The following DLGAP1 variants were observed in gnomAD, a reference collection of about 807,000 sequenced individuals.
The protein encoded by DLGAP1 is disks large-associated protein 1.
Under a neutral mutation model 90.8 loss-of-function variants are expected in DLGAP1, and 11 were observed. The observed-to-expected ratio is 0.12, with a 90% confidence interval of 0.08 to 0.20. The LOEUF (loss-of-function observed/expected upper bound fraction) is 0.20. Ranked by LOEUF, DLGAP1 falls within the 10% of genes least tolerant of loss-of-function variation. The pLI is 1.00. For missense variants in DLGAP1, 1,050 were observed against 1,333.8 expected (o/e 0.79, Z 3.31); for synonymous variants, 558 against 540.7 (o/e 1.03, Z -0.44).
intron 1 of DLGAP1, among the ~76,000 whole-genome samples, chr18:4,392,771 A>G (rs1290762649): frequency 6.6e-6 from 1 of 152,126 alleles, no homozygotes; most frequent in African/African-American, 2.4e-5. Context: ...TCTGCTTGGC[A>G]TTTTCTCCTG....
At chr18:4,405,850 A>C (rs1383949928) in intron 1 of DLGAP1, among the ~76,000 whole-genome samples, 1 of 152,192 alleles carries the variant, frequency 6.6e-6, no homozygotes. Flanking sequence ...CCAGTTGTCC[A>C]AGTTCTTTGC....
chr18:3,500,918 T>C (rs1015381667), intron 12 of DLGAP1, among the ~76,000 whole-genome samples: 3 of 151,814 alleles, frequency 2.0e-5, no homozygotes, highest in Non-Finnish European at 1.5e-5. Context: ...ATGATTACTA[T>C]TATTATTATT....
At chr18:4,110,090 T>C (rs2075946397) in intron 2 of DLGAP1, among the ~76,000 whole-genome samples, 1 of 152,164 alleles carries the variant, frequency 6.6e-6, no homozygotes, top group South Asian at 2.1e-4. Flanking sequence ...TGTGTTGCTA[T>C]CCAAATCTGT....
At chr18:4,423,195 G>C (rs1029766574) in intron 1 of DLGAP1, among the ~76,000 whole-genome samples, 1 of 152,012 alleles carries the variant, frequency 6.6e-6, no homozygotes, top group Non-Finnish European at 1.5e-5. Flanking sequence ...AGTTTCTCTG[G>C]TATTTGCTTC....
intron 2 of DLGAP1, among the ~76,000 whole-genome samples, chr18:4,054,156 C>G (rs1346139069): frequency 6.6e-6 from 1 of 152,140 alleles, no homozygotes; most frequent in Non-Finnish European, 1.5e-5. Context: ...CTCACTCGCT[C>G]CCTGATCTTT....
At chr18:4,206,465 C>T (rs569176995) in intron 1 of DLGAP1, among the ~76,000 whole-genome samples, 3 of 152,242 alleles carry the variant, frequency 2.0e-5, no homozygotes, top group Admixed American at 2.0e-4. Flanking sequence ...CTGCTCTTCC[C>T]TGATGTCACC....
chr18:4,215,312 T>C (rs1336033645), intron 1 of DLGAP1, among the ~76,000 whole-genome samples: 2 of 152,310 alleles, frequency 1.3e-5, no homozygotes, highest in East Asian at 3.9e-4. Flanking sequence ...CAAAATGCTA[T>C]TTTATGCAGC....
chr18:4,092,082 T>C lies in DLGAP1; in HGVS notation c.-159+59098A>G, dbSNP rs191029869. Among the ~76,000 whole-genome samples the C allele has an allele frequency of 6.3e-4, 96 of 152,288 alleles. 1 individual carries two copies. Among genetic ancestry groups the C allele is most frequent in the Non-Finnish European group, 1.6e-4 (11 of 68,014 alleles). ...TTGAGCTGGGTTTGGGTTTTGTTAT[T>C]GCTATGGTTAACCTCAGTATATTAC... On this transcript the variant is annotated intron_variant, in intron 2 of 12. Coordinates refer to ENST00000315677, the MANE Select transcript of DLGAP1 (RefSeq NM_004746.4).
chr18:4,413,042 G>T (rs769174339), intron 1 of DLGAP1, among the ~76,000 whole-genome samples: 1 of 152,188 alleles, frequency 6.6e-6, no homozygotes. Context: ...TCACTGGGGC[G>T]TTTTTGATAC....
chr18:4,132,128 G>A (rs2076326438), intron 2 of DLGAP1, among the ~76,000 whole-genome samples: 1 of 151,878 alleles, frequency 6.6e-6, no homozygotes, highest in Non-Finnish European at 1.5e-5. Context: ...CTTTGCAATT[G>A]GTTTCTTTTA....
intron 1 of DLGAP1, among the ~76,000 whole-genome samples, chr18:4,356,511 T>C (rs977518867): frequency 1.3e-5 from 2 of 152,198 alleles, no homozygotes; most frequent in African/African-American, 2.4e-5. Context: ...TCAAAAATAT[T>C]GGTGTCATGA....
At chr18:4,035,255 G>C (rs1327419060) in intron 2 of DLGAP1, among the ~76,000 whole-genome samples, 1 of 152,134 alleles carries the variant, frequency 6.6e-6, no homozygotes, top group Non-Finnish European at 1.5e-5. Context: ...GAACACAAGG[G>C]GGGACTGCTT....
At chr18:3,577,372 A>C (rs1306891392) in intron 8 of DLGAP1, among the ~76,000 whole-genome samples, 2 of 152,170 alleles carry the variant, frequency 1.3e-5, no homozygotes, top group African/African-American at 4.8e-5. Flanking sequence ...TTTGTGTATT[A>C]AACTGTCTCT....
chr18:3,824,659 T>G (rs951626720), intron 4 of DLGAP1, among the ~76,000 whole-genome samples: 20 of 152,196 alleles, frequency 1.3e-4, no homozygotes, highest in African/African-American at 4.3e-4. Context: ...AACTTACATA[T>G]TTGACATTTA....
intron 1 of DLGAP1, among the ~76,000 whole-genome samples, chr18:4,264,341 A>G (rs2079061044): frequency 1.3e-5 from 2 of 152,152 alleles, no homozygotes; most frequent in African/African-American, 4.8e-5. Flanking sequence ...CACTGAACTC[A>G]CATTTTGAGA....
intron 6 of DLGAP1, among the ~76,000 whole-genome samples, chr18:3,741,166 CACCACA>C: frequency 1.0e-5 from 1 of 97,712 alleles, no homozygotes; most frequent in African/African-American, 4.2e-5. Flanking sequence ...CCACCATCAC[CACCACA>C]TCACCACCAC....
intron 7 of DLGAP1, among the ~76,000 whole-genome samples, chr18:3,651,089 G>A (rs1467441235): frequency 1.3e-5 from 2 of 148,408 alleles, no homozygotes; most frequent in South Asian, 2.1e-4. Flanking sequence ...GGCTGGGCAC[G>A]GTGGCTCACG....
At chr18:4,111,951 A>G (rs968244263) in intron 2 of DLGAP1, among the ~76,000 whole-genome samples, 7 of 149,568 alleles carry the variant, frequency 4.7e-5, no homozygotes, top group African/African-American at 1.7e-4. Context: ...ATAAAATAAC[A>G]TAATAATAAT....
chr18:3,882,555 A>T (rs1379395463), intron 3 of DLGAP1, among the ~76,000 whole-genome samples: 1 of 151,332 alleles, frequency 6.6e-6, no homozygotes, highest in Admixed American at 6.6e-5. Flanking sequence ...TTAATAGCCG[A>T]TGGCAAAATG....
Sources: allele counts gnomAD v4.1 joint callset (sites outside exome capture counted in the v4.1 genomes callset), GRCh38; gene constraint gnomAD v4.1.1; transcripts MANE v1.5; gene names NCBI Gene and HGNC (gene_info 2026-07-23, HGNC 2026-07-21).